The following SLC7A11 variants were observed in gnomAD, a reference collection of about 807,000 sequenced individuals.
SLC7A11 encodes solute carrier family 7 member 11.
In SLC7A11, 35 loss-of-function variants were observed where a neutral mutation model predicts 54.5. The ratio of observed to expected loss-of-function variants is 0.64; its 90% CI spans 0.49 to 0.85. The LOEUF is 0.85. Among genes scored for constraint, SLC7A11 ranks in the 40% least tolerant of loss-of-function variants. The probability of loss-of-function intolerance (pLI) is 0.00; values close to 1 mark genes in which losing one functional copy is unlikely to be tolerated. For synonymous variants in SLC7A11, 230 were observed against 225.2 expected, an observed-to-expected ratio of 1.02 and a Z score of -0.19; for missense variants, 583 against 618.1, an observed-to-expected ratio of 0.94 and a Z score of 0.60.
chr4:138,201,688 A>G (rs1737289963), intron 6 of SLC7A11, among the ~76,000 whole-genome samples: 1 of 152,104 alleles, frequency 6.6e-6, no homozygotes. Flanking sequence ...CATGTCCACA[A>G]ATCCTGATCT....
rs2148402504 is a variant in SLC7A11 at position 138,166,265 on chromosome 4, A to G, written c.*5691T>C. The stretch of plus-strand genomic sequence containing the variant: ...TAGGAAAATTTGATGTCTAAATTTT[A>G]TAATACACATTTAAGTCAGACCACT... On this transcript the variant is annotated 3_prime_UTR_variant, in exon 12 of 12. Transcript: ENST00000280612. 6.6e-6 allele frequency: 1 copy of G among 152,286 alleles called. No homozygotes were observed. Among genetic ancestry groups the G allele is most frequent in the Non-Finnish European group, 1.5e-5 (1 of 68,002 alleles). 9.4% of individuals were successfully genotyped at this position (152,286 alleles called of 1,614,324 possible).
chr4:138,174,993 A>G (rs1443062038), intron 11 of SLC7A11, among the ~76,000 whole-genome samples: 3 of 152,180 alleles, frequency 2.0e-5, no homozygotes, highest in Non-Finnish European at 4.4e-5. Flanking sequence ...GGAAGTCTTC[A>G]TAAGAATAAT....
At chr4:138,225,846 T>C (rs1412704438) in intron 3 of SLC7A11, among the ~76,000 whole-genome samples, 1 of 150,984 alleles carries the variant, frequency 6.6e-6, no homozygotes, top group Non-Finnish European at 1.5e-5. Flanking sequence ...AACTGTTATA[T>C]AGAGAGAAAG....
intron 7 of SLC7A11, among the ~76,000 whole-genome samples, chr4:138,184,789 G>C (rs1247591036): frequency 5.2e-5 from 1 of 19,118 alleles, no homozygotes; most frequent in Admixed American, 1.2e-3. Flanking sequence ...ATTGTAATTT[G>C]CATAGAAAAA....
chr4:138,232,181 C>T lies in SLC7A11; in HGVS notation c.520+86G>A, dbSNP rs1295201067. The T allele has an allele frequency of 4.9e-5, 45 of 911,380 alleles. No individual in the cohort carries two copies. The Admixed American group carries it at 7.4e-4, about 15-fold the overall frequency. 56.5% of individuals were successfully genotyped at this position (911,380 alleles called of 1,614,324 possible). A position where few individuals can be genotyped will look rare whatever the true frequency, so the allele number is the denominator to read the frequency against. Reference sequence around the variant, plus strand: ...AAGAACATGATGTGAGAGGCAATCCCGCAATGCAAAAAGTCTAAAGACACT... The same window carrying T: ...AAGAACATGATGTGAGAGGCAATCCTGCAATGCAAAAAGTCTAAAGACACT... On this transcript the variant is annotated intron_variant, in intron 3 of 11. Transcript: ENST00000280612.
intron 5 of SLC7A11, among the ~76,000 whole-genome samples, chr4:138,215,087 A>C (rs145178938): frequency 1.4e-3 from 207 of 152,290 alleles, no homozygotes; most frequent in African/African-American, 4.6e-3. Context: ...ACACGAGCAC[A>C]AAAGTGTGGC....
rs1163170381 is a variant in SLC7A11, at chr4:138,164,182, G to A, written c.*7774C>T. 6.6e-6 allele frequency: 1 copy of A among 152,432 alleles called. No homozygotes were observed. Among genetic ancestry groups the A allele is most frequent in the Non-Finnish European group, 1.5e-5 (1 of 67,982 alleles). The allele number at this position is 152,432 out of a possible 1,614,324, so 9.4% of individuals were successfully genotyped here. ...GTACAAAAATGGTTATAAAATGGTT[G>A]AAGCAACTAGAAGCGTGACAGGTAT... On this transcript the variant is annotated 3_prime_UTR_variant, in exon 12 of 12. Transcript: ENST00000280612.
At chr4:138,177,899 C>A (rs1383689387) in intron 11 of SLC7A11, 1 of 152,126 alleles carries the variant, frequency 6.6e-6, no homozygotes, top group Admixed American at 6.6e-5. Context: ...CAGAATCCCC[C>A]TCAATTCTCA....
chr4:138,197,670 T>C (rs1737174047), intron 6 of SLC7A11, among the ~76,000 whole-genome samples: 1 of 151,948 alleles, frequency 6.6e-6, no homozygotes, highest in Non-Finnish European at 1.5e-5. Flanking sequence ...TTCATCCACT[T>C]GAACAGCTAA....
At position 138,171,044 on chromosome 4, in the gene SLC7A11, T is replaced by C. The variant is rs189846786; in HGVS notation, c.*912A>G. The C allele has an allele frequency of 6.6e-6, 1 of 152,312 alleles. No homozygotes were observed. Among genetic ancestry groups the C allele is most frequent in the Admixed American group, 6.5e-5 (1 of 15,296 alleles). The allele number at this position is 152,312 out of a possible 1,614,324, so 9.4% of individuals were successfully genotyped here. On this transcript the variant is annotated 3_prime_UTR_variant, in exon 12 of 12. Coordinates refer to ENST00000280612, the MANE Select transcript of SLC7A11 (RefSeq NM_014331.4). ...GGACTATTATTTTGAACATCTTCTT[T>C]GTTGGTGATTTCTCTCATGTTGATA...
At chr4:138,206,582 A>C (rs1737412817) in intron 6 of SLC7A11, among the ~76,000 whole-genome samples, 1 of 151,836 alleles carries the variant, frequency 6.6e-6, no homozygotes, top group South Asian at 2.1e-4. Context: ...GCTTCCACAA[A>C]GCACTTGAAG....
chr4:138,187,384 C>T (rs1450095375), intron 6 of SLC7A11, among the ~76,000 whole-genome samples: 1 of 152,084 alleles, frequency 6.6e-6, no homozygotes, highest in Non-Finnish European at 1.5e-5. Context: ...TCCTTTTGTC[C>T]TTAGAAAATT....
At chr4:138,179,523 A>G in intron 10 of SLC7A11, 129 bp from the exon 11 acceptor site, 1 of 687,666 alleles carries the variant, frequency 1.5e-6, no homozygotes, top group Non-Finnish European at 2.4e-6. Context: ...GGTAACAGGC[A>G]CCAACGTGCC....
intron 9 of SLC7A11, among the ~76,000 whole-genome samples, chr4:138,181,191 T>A (rs1377957273): frequency 6.6e-6 from 1 of 152,090 alleles, no homozygotes; most frequent in South Asian, 2.1e-4. Flanking sequence ...AGAGGCCCAA[T>A]TGGAAGATTT....
In SLC7A11 at chr4:138,195,797, G is replaced by A. The variant is rs148363437; in HGVS notation, c.792-10553C>T. Among the ~76,000 whole-genome samples, 212 of 152,142 alleles carry A rather than the reference G, an allele frequency of 1.4e-3. 2 individuals carry two copies. The highest frequency in any genetic ancestry group is 4.9e-3 in the African/African-American group (204 of 41,520). ...GACTATTCAATGAGCATTATTAAGG[G>A]CCCTTGAAGTGTTTCCTCTAAATCT... is the stretch of plus-strand genomic sequence containing the variant. On this transcript the variant is annotated intron_variant, in intron 6 of 11. Transcript: ENST00000280612.
chr4:138,227,892 G>A (rs1212682899), intron 3 of SLC7A11, among the ~76,000 whole-genome samples: 3 of 152,100 alleles, frequency 2.0e-5, no homozygotes, highest in African/African-American at 7.2e-5. Context: ...TTAATACTAT[G>A]TTTATTTACC....
rs867290011 is a variant in SLC7A11, at chr4:138,170,991, A to T, written c.*965T>A. ...TTTAAAAAACTTCAGAATTACTAAC[A>T]TTGCATGTAGATATGATTACAGATA... On this transcript the variant is annotated 3_prime_UTR_variant, in exon 12 of 12. Transcript: ENST00000280612. 2.6e-5 allele frequency: 4 copies of T among 152,286 alleles called. No homozygotes were observed. The highest frequency in any genetic ancestry group is 7.2e-5 in the African/African-American group (3 of 41,564). The allele number at this position is 152,286 out of a possible 1,614,324, so 9.4% of individuals were successfully genotyped here.
In SLC7A11 at chr4:138,167,856, T is replaced by C. The variant is rs1014942874; in HGVS notation, c.*4100A>G. On this transcript the variant is annotated 3_prime_UTR_variant, in exon 12 of 12. Transcript: ENST00000280612. The stretch of plus-strand genomic sequence containing the variant: ...CATGGGCATTCAAATCCCACATCTC[T>C]CTATATTTCTTTCCCAACTAAGAGC... 6.6e-6 allele frequency: 1 copy of C among 152,152 alleles called. No homozygotes were observed. Among genetic ancestry groups the C allele is most frequent in the Non-Finnish European group, 1.5e-5 (1 of 68,034 alleles). The allele number at this position is 152,152 out of a possible 1,614,324, so 9.4% of individuals were successfully genotyped here.
chr4:138,233,464 G>A (rs1738131639), intron 2 of SLC7A11, among the ~76,000 whole-genome samples: 1 of 152,158 alleles, frequency 6.6e-6, no homozygotes, highest in African/African-American at 2.4e-5. Flanking sequence ...GATTACAGGC[G>A]TGAGCCACCG....
Sources: gnomAD v4.1 joint callset for allele counts (sites outside exome capture counted in the v4.1 genomes callset) on GRCh38, gnomAD v4.1.1 for gene constraint, MANE v1.5 for transcripts, NCBI Gene and HGNC (gene_info 2026-07-23, HGNC 2026-07-21) for gene names.